KIF26B: variants seen among roughly 807,000 people sequenced by gnomAD.
KIF26B encodes kinesin family member 26B, also known as kinesin-like protein KIF26B.
KIF26B carries 63 observed loss-of-function variants against 151.2 expected under a neutral mutation model. The observed-to-expected ratio is 0.42, with a 90% CI of 0.34 to 0.51. The LOEUF (loss-of-function observed/expected upper bound fraction) is 0.51, where lower values mean the gene tolerates loss of function less well. KIF26B is among the 20% of genes least tolerant of loss of function. The probability of loss-of-function intolerance (pLI) is 0.07; values close to 1 mark genes in which losing one functional copy is unlikely to be tolerated. For missense variants in KIF26B, 2,813 were observed against 2,913.6 expected, an observed-to-expected ratio of 0.97 and a Z score of 0.79; for synonymous variants, 1,357 against 1,262.1, an observed-to-expected ratio of 1.08 and a Z score of -1.59.
intron 2 of KIF26B, among the ~76,000 whole-genome samples, chr1:245,347,997 C>T (rs939968103): frequency 1.3e-5 from 2 of 152,148 alleles, no homozygotes; most frequent in African/African-American, 4.8e-5. Flanking sequence ...AAGAATTTAC[C>T]TTCTATGCCA....
intron 10 of KIF26B, among the ~76,000 whole-genome samples, chr1:245,670,529 TAAA>T (rs34620056): frequency 2.1e-4 from 31 of 149,014 alleles, no homozygotes; most frequent in African/African-American, 7.6e-4. Context: ...ATGTCTCATT[TAAA>T]AAAAAAAGAA....
At chr1:245,657,328 C>T (rs536278034) in intron 10 of KIF26B, among the ~76,000 whole-genome samples, 23 of 152,266 alleles carry the variant, frequency 1.5e-4, no homozygotes, top group Admixed American at 4.6e-4. Context: ...AGCCTGAAAT[C>T]GCGCGCTGAG....
intron 11 of KIF26B, 42 bp downstream of exon 11, chr1:245,684,437 CT>C: frequency 6.5e-7 from 1 of 1,533,084 alleles, no homozygotes. Flanking sequence ...ATGAGGGAGC[CT>C]TTGGAGCCGT....
chr1:245,602,115 T>A lies in KIF26B; in HGVS notation c.1351-462T>A, dbSNP rs921731850. ...CACGGTTCTTTAATGATGACACTAA[T>A]AACTGTGGATTTTTGTCTCCCAGAG... On this transcript the variant is annotated intron_variant, in intron 5 of 14. Transcript: ENST00000407071. This position sits in a 1 kb window ranked among gnomAD's most constrained non-coding sequence, Gnocchi z 4.5. 2.7e-5 allele frequency among the ~76,000 whole-genome samples: 4 copies of A among 147,210 alleles called. No individual in the cohort carries two copies. The highest frequency in any genetic ancestry group is 5.0e-5 in the African/African-American group (2 of 39,752).
chr1:245,678,733 C>T (rs540834939), intron 10 of KIF26B, among the ~76,000 whole-genome samples: 1 of 152,138 alleles, frequency 6.6e-6, no homozygotes, highest in African/African-American at 2.4e-5. Context: ...CGTGGTGGTG[C>T]ATGCCTGTAG....
At chr1:245,444,356 CT>C (rs1164415586) in intron 4 of KIF26B, among the ~76,000 whole-genome samples, 1 of 152,234 alleles carries the variant, frequency 6.6e-6, no homozygotes, top group East Asian at 1.9e-4. Context: ...AAGAGGCTGA[CT>C]GTTAGAAGCA....
At chr1:245,250,621 A>T (rs897981614) in intron 2 of KIF26B, among the ~76,000 whole-genome samples, 1 of 152,204 alleles carries the variant, frequency 6.6e-6, no homozygotes, top group Non-Finnish European at 1.5e-5. Context: ...ATATTTTCAG[A>T]TTCTAAAATC....
chr1:245,160,173 C>T (rs1352419402), intron 2 of KIF26B, among the ~76,000 whole-genome samples: 3 of 152,164 alleles, frequency 2.0e-5, no homozygotes, highest in East Asian at 3.8e-4. Flanking sequence ...GGTGAGTAGA[C>T]GTTTGTGCTT....
chr1:245,615,800 C>T (rs1261340961), intron 9 of KIF26B, among the ~76,000 whole-genome samples: 2 of 152,198 alleles, frequency 1.3e-5, no homozygotes, highest in Non-Finnish European at 2.9e-5. Context: ...AGGATCCCGG[C>T]CAGAATGCAC....
At chr1:245,617,764 T>C (rs936922152) in intron 9 of KIF26B, among the ~76,000 whole-genome samples, 10 of 152,176 alleles carry the variant, frequency 6.6e-5, no homozygotes, top group Non-Finnish European at 1.2e-4. Flanking sequence ...CCTCCGTTTC[T>C]AATCTTCTCA....
chr1:245,420,749 A>C (rs961454533), intron 4 of KIF26B, among the ~76,000 whole-genome samples: 5 of 152,272 alleles, frequency 3.3e-5, no homozygotes, highest in Admixed American at 1.3e-4. Flanking sequence ...ATGAGAAATT[A>C]TAAAGTACTG....
At chr1:245,544,375 C>G (rs896731627) in intron 5 of KIF26B, among the ~76,000 whole-genome samples, 4 of 152,120 alleles carry the variant, frequency 2.6e-5, no homozygotes, top group Admixed American at 2.6e-4. Context: ...AGGAGGGGAG[C>G]AGGAATCTCC....
intron 2 of KIF26B, among the ~76,000 whole-genome samples, chr1:245,338,597 A>G (rs1434091715): frequency 6.6e-6 from 1 of 152,232 alleles, no homozygotes; most frequent in Non-Finnish European, 1.5e-5. Flanking sequence ...TCTGTGTGGT[A>G]GTAAGCACAA....
chr1:245,506,040 T>A (rs988270818), intron 4 of KIF26B, among the ~76,000 whole-genome samples: 14 of 152,246 alleles, frequency 9.2e-5, no homozygotes, highest in African/African-American at 3.4e-4. Flanking sequence ...TCCTTGCATG[T>A]GAATACATAC....
At chr1:245,202,485 G>A (rs1480944395) in intron 2 of KIF26B, among the ~76,000 whole-genome samples, 5 of 152,170 alleles carry the variant, frequency 3.3e-5, no homozygotes, top group Non-Finnish European at 5.9e-5. Flanking sequence ...GTGGCCGGGC[G>A]CAGTGGCTCA....
At chr1:245,594,567 G>A (rs2043321217) in intron 5 of KIF26B, among the ~76,000 whole-genome samples, 2 of 152,166 alleles carry the variant, frequency 1.3e-5, no homozygotes, top group African/African-American at 4.8e-5. Flanking sequence ...TTTGGTTAGT[G>A]TAGCCTTGTA....
At chr1:245,237,255 A>T (rs1485408573) in intron 2 of KIF26B, among the ~76,000 whole-genome samples, 1 of 152,208 alleles carries the variant, frequency 6.6e-6, no homozygotes, top group Non-Finnish European at 1.5e-5. Flanking sequence ...ACGCAACTCT[A>T]AAGTCCATCC....
rs1280505724 is a variant in KIF26B at position 245,698,108 on chromosome 1, T to A, written c.5827T>A (p.Ser1943Thr). 1 of 1,613,300 alleles carries A rather than the reference T, an allele frequency of 6.2e-7. No individual in the cohort carries two copies. Among genetic ancestry groups the A allele is most frequent in the Non-Finnish European group, 8.5e-7 (1 of 1,179,500 alleles). The change falls in exon 13 of 15, where the codon TCT becomes ACT. Residue 1943 changes from serine (S) to threonine (T), a missense_variant and splice_region_variant. This residue lies in a region of KIF26B where 2,060 missense variants were observed against 2,088.6 expected (regional missense o/e 0.99). Coordinates refer to ENST00000407071, the MANE Select transcript of KIF26B (RefSeq NM_018012.4). This position sits in a 1 kb window ranked among gnomAD's most constrained non-coding sequence, Gnocchi z 4.0. ...TCTGGGCTTATCCCCCTCCTCAGGT[T>A]CTCAGAGACGGAGGCTTATCCCAGC... Reference protein sequence around the residue: ...KTPKKRSNPGSQRRRLIPALS... With the variant: ...KTPKKRSNPGTQRRRLIPALS...
chr1:245,193,167 T>G (rs182137082), intron 2 of KIF26B, among the ~76,000 whole-genome samples: 7 of 152,350 alleles, frequency 4.6e-5, no homozygotes, highest in Admixed American at 2.6e-4. Context: ...CCTGTGTTAG[T>G]TTGCTTAGGA....
Sources: gnomAD v4.1 joint callset for allele counts (sites outside exome capture counted in the v4.1 genomes callset) on GRCh38, gnomAD v4.1.1 for gene constraint, gnomAD v4.1.1 regional missense constraint, Gnocchi (gnomAD v3.1) non-coding constraint, MANE v1.5 for transcripts, NCBI Gene and HGNC (gene_info 2026-07-23, HGNC 2026-07-21) for gene names.